Variants in BORCS7 observed in about 807,000 individuals in gnomAD.
BORCS7 encodes the protein BLOC-1 related complex subunit 7, also known as BLOC-1-related complex subunit 7.
Under a neutral mutation model 17.5 loss-of-function variants are expected in BORCS7, and 20 were observed. The ratio of observed to expected loss-of-function variants is 1.14; its 90% CI spans 0.80 to 1.66. The LOEUF (loss-of-function observed/expected upper bound fraction) is 1.66. Ranked by LOEUF, BORCS7 falls within the 40% of genes most tolerant of loss-of-function variation. BORCS7 has a pLI of 0.00. For missense variants in BORCS7, 122 were observed against 129.7 expected (o/e 0.94, Z 0.29); for synonymous variants, 57 against 49.8 (o/e 1.14, Z -0.61).
rs1281139959 is a variant in BORCS7, at chr10:102,857,121, A to G, written c.141+2694A>G. On this transcript the variant is annotated intron_variant, in intron 1 of 4. Transcript: ENST00000339834. ...TCTCAGATTAGAAGTCACTTCTTTT[A>G]GGGACCTTTCCTGAACACCTACCCC... Among the ~76,000 whole-genome samples, 3 of 152,162 alleles carry G rather than the reference A, an allele frequency of 2.0e-5. No homozygotes were observed. The East Asian group carries it at 5.8e-4, about 29-fold the overall frequency.
intron 1 of BORCS7, among the ~76,000 whole-genome samples, chr10:102,856,326 G>A (rs1844425677): frequency 6.6e-6 from 1 of 151,906 alleles, no homozygotes; most frequent in South Asian, 2.1e-4. Flanking sequence ...GCCGAGGCAG[G>A]ATTGCTTAAG....
Position 102,863,112 on chromosome 10 carries a change from G to A in BORCS7, c.*188G>A, listed in dbSNP as rs1844546044. The stretch of plus-strand genomic sequence containing the variant: ...GCACTTTGGGAGGCCGAGGCGGGTG[G>A]ATCACGAGGTCAGGAGTTCGAGACC... On this transcript the variant is annotated 3_prime_UTR_variant, in exon 5 of 5. Coordinates refer to ENST00000339834, the MANE Select transcript of BORCS7 (RefSeq NM_001136200.2). The A allele has an allele frequency of 2.0e-6, 1 of 494,326 alleles. No homozygotes were observed. Among genetic ancestry groups the A allele is most frequent in the African/African-American group, 2.0e-5 (1 of 50,554 alleles). The allele number at this position is 494,326 out of a possible 1,614,324, so 30.6% of individuals were successfully genotyped here.
rs989287802 is a variant in BORCS7 at position 102,862,321 on chromosome 10, G to C, written c.269+141G>C. 5 of 759,378 alleles carry C rather than the reference G, an allele frequency of 6.6e-6. No homozygotes were observed. In the African/African-American group the frequency reaches 7.1e-5, roughly 11 times the overall value. 47.0% of individuals were successfully genotyped at this position (759,378 alleles called of 1,614,324 possible). Reference sequence around the variant, plus strand: ...AATATGCTCTGGGATACTCACTTGGGATTTAAAGATACAGCATATTTCAAA... The same window carrying C: ...AATATGCTCTGGGATACTCACTTGGCATTTAAAGATACAGCATATTTCAAA... On this transcript the variant is annotated intron_variant, in intron 4 of 4. Coordinates refer to ENST00000339834, the MANE Select transcript of BORCS7 (RefSeq NM_001136200.2).
In BORCS7 at chr10:102,863,348, AG is replaced by A. The variant is rs68135461; in HGVS notation, c.*425del. On this transcript the variant is annotated 3_prime_UTR_variant, in exon 5 of 5. Transcript: ENST00000339834. ...AGATTCCATCTCCAAAAAAAAAAAA[AG>A]AAAAAAAAAAGAAAAGTTCTGTGTT... is the stretch of plus-strand genomic sequence containing the variant. 0.2 allele frequency: 31,036 copies of A among 151,908 alleles called. 3,313 individuals carry two copies. Among genetic ancestry groups the A allele is most frequent in the Middle Eastern group, 0.28 (84 of 298 alleles). The allele number at this position is 151,908 out of a possible 1,614,324, so 9.4% of individuals were successfully genotyped here.
In BORCS7 at chr10:102,854,308, G is replaced by C. The variant is rs200327590; in HGVS notation, c.22G>C (p.Glu8Gln). 53 of 1,605,378 alleles carry C rather than the reference G, an allele frequency of 3.3e-5. No individual in the cohort carries two copies. Among genetic ancestry groups the C allele is most frequent in the Non-Finnish European group, 4.3e-5 (51 of 1,176,122 alleles). The change falls in exon 1 of 5, where the codon GAG becomes CAG. Residue 8 changes from glutamate to glutamine, a missense_variant. Coordinates refer to ENST00000339834, the MANE Select transcript of BORCS7 (RefSeq NM_001136200.2). The stretch of plus-strand genomic sequence containing the variant: ...TGAAATGATGGCGACTGGAACGCCA[G>C]AGTCTCAAGCGCGGTTCGGTCAGTC... MMATGTP[E>Q]SQARFGQSVK...
At chr10:102,861,069 A>G (rs1844510889) in intron 3 of BORCS7, among the ~76,000 whole-genome samples, 1 of 152,128 alleles carries the variant, frequency 6.6e-6, no homozygotes. Flanking sequence ...ATCTTATTTC[A>G]TGTTGTTTTA....
chr10:102,861,108 G>A (rs1302923101), intron 3 of BORCS7, among the ~76,000 whole-genome samples: 1 of 152,030 alleles, frequency 6.6e-6, no homozygotes, highest in Non-Finnish European at 1.5e-5. Context: ...TTATACTTAT[G>A]TACCTCTTAG....
intron 1 of BORCS7, among the ~76,000 whole-genome samples, chr10:102,858,440 G>A (rs1361086077): frequency 6.6e-6 from 1 of 151,890 alleles, no homozygotes; most frequent in Non-Finnish European, 1.5e-5. Flanking sequence ...ACCTGAGGAT[G>A]GGAGTTTGAG....
At chr10:102,857,538 C>T (rs548920918) in intron 1 of BORCS7, among the ~76,000 whole-genome samples, 2 of 152,208 alleles carry the variant, frequency 1.3e-5, no homozygotes, top group Admixed American at 6.5e-5. Context: ...AAATTAAAAC[C>T]CCACAGTCAC....
chr10:102,861,166 G>C (rs2134100116), intron 3 of BORCS7, among the ~76,000 whole-genome samples: 1 of 152,304 alleles, frequency 6.6e-6, no homozygotes, highest in African/African-American at 2.4e-5. Context: ...TGTAATCCCA[G>C]CACTTTGGGA....
chr10:102,861,482 T>C (rs1844519802), intron 3 of BORCS7, among the ~76,000 whole-genome samples: 1 of 150,218 alleles, frequency 6.7e-6, no homozygotes, highest in Non-Finnish European at 1.5e-5. Context: ...TTTGGGAGGC[T>C]GAGGCAGGTG....
At chr10:102,861,184 G>C (rs1844513812) in intron 3 of BORCS7, among the ~76,000 whole-genome samples, 1 of 152,128 alleles carries the variant, frequency 6.6e-6, no homozygotes, top group Non-Finnish European at 1.5e-5. Context: ...GGAGGCCGAG[G>C]AGGGCGGATC....
At chr10:102,855,694 T>G (rs1489419971) in intron 1 of BORCS7, among the ~76,000 whole-genome samples, 1 of 152,174 alleles carries the variant, frequency 6.6e-6, no homozygotes, top group Non-Finnish European at 1.5e-5. Flanking sequence ...CAGGTGGTGG[T>G]AAATCCTGTG....
intron 1 of BORCS7, among the ~76,000 whole-genome samples, chr10:102,856,208 C>T (rs1330870016): frequency 6.6e-6 from 1 of 152,114 alleles, no homozygotes; most frequent in Non-Finnish European, 1.5e-5. Flanking sequence ...TTCTCCTCCT[C>T]CATTTGAGTT....
chr10:102,860,412 T>C lies in BORCS7; in HGVS notation c.204+18T>C, dbSNP rs749843488. Reference sequence around the variant, plus strand: ...CAGAAGATGTAAGAAACAACTTTTTTTTTTAATGATTTGGGTTTATGTATA... The same window carrying C: ...CAGAAGATGTAAGAAACAACTTTTTCTTTTAATGATTTGGGTTTATGTATA... On this transcript the variant is annotated intron_variant, in intron 2 of 4. Transcript: ENST00000339834. The C allele has an allele frequency of 1.2e-6, 2 of 1,613,412 alleles. No individual in the cohort carries two copies. Among genetic ancestry groups the C allele is most frequent in the Admixed American group, 3.3e-5 (2 of 60,030 alleles).
chr10:102,862,962 A>T lies in BORCS7; in HGVS notation c.*38A>T. On this transcript the variant is annotated 3_prime_UTR_variant, in exon 5 of 5. Coordinates refer to ENST00000339834, the MANE Select transcript of BORCS7 (RefSeq NM_001136200.2). ...GAGTGCTGTAGGACTCCTTTGCCTA[A>T]TGCTGAGGAGTAAATACCTTACACA... The T allele has an allele frequency of 6.6e-7, 1 of 1,519,842 alleles. No homozygotes were observed. The highest frequency in any genetic ancestry group is 9.1e-7 in the Non-Finnish European group (1 of 1,094,324). 94.1% of individuals were successfully genotyped at this position (1,519,842 alleles called of 1,614,324 possible). A position where few individuals can be genotyped will look rare whatever the true frequency, so the allele number is the denominator to read the frequency against.
At position 102,860,339 on chromosome 10, in the gene BORCS7, G is replaced by A; in HGVS notation, c.149G>A (p.Gly50Asp). The change falls in exon 2 of 5, where the codon GGT becomes GAT. Residue 50 changes from glycine to aspartate, a missense_variant. Coordinates refer to ENST00000339834, the MANE Select transcript of BORCS7 (RefSeq NM_001136200.2). ...TTTATTTTTGTCTTCCAGCTGCTAG[G>A]TCAGGCAGCTCGAAACATGGTACTC... The part of the protein sequence containing the change: ...LKGSRSSELL[G>D]QAARNMVLQE... 1 of 1,613,898 alleles carries A rather than the reference G, an allele frequency of 6.2e-7. No individual in the cohort carries two copies. Among genetic ancestry groups the A allele is most frequent in the Non-Finnish European group, 8.5e-7 (1 of 1,179,906 alleles).
chr10:102,854,439 GT>G lies in BORCS7; in HGVS notation c.141+13del. On this transcript the variant is annotated intron_variant, in intron 1 of 4. Transcript: ENST00000339834. ...CCCGGAGCTCCGAGGTGAGCTGGAA[GT>G]GGACTCTCCCGGCCTGATAGTCCGG... 6.5e-7 allele frequency: 1 copy of G among 1,532,392 alleles called. No homozygotes were observed. 94.9% of individuals were successfully genotyped at this position (1,532,392 alleles called of 1,614,324 possible).
At chr10:102,856,430 T>C (rs1844429195) in intron 1 of BORCS7, among the ~76,000 whole-genome samples, 1 of 151,928 alleles carries the variant, frequency 6.6e-6, no homozygotes, top group East Asian at 1.9e-4. Flanking sequence ...TTTTTAAATG[T>C]GTGTATGGCA....
Sources: allele counts gnomAD v4.1 joint callset (sites outside exome capture counted in the v4.1 genomes callset), GRCh38; gene constraint gnomAD v4.1.1; transcripts MANE v1.5; gene names NCBI Gene and HGNC (gene_info 2026-07-23, HGNC 2026-07-21).